Variants in SRP68 observed in about 807,000 individuals in gnomAD.
SRP68 encodes signal recognition particle 68, also known as signal recognition particle subunit SRP68.
SRP68 carries 15 observed loss-of-function variants against 82.2 expected under a neutral mutation model. The ratio of observed to expected loss-of-function variants is 0.18; its 90% CI spans 0.12 to 0.28. SRP68 has a LOEUF of 0.28. Ranked by LOEUF, SRP68 falls within the 10% of genes least tolerant of loss-of-function variation. SRP68 has a pLI of 1.00. For synonymous variants in SRP68, 261 were observed against 292.6 expected, an observed-to-expected ratio of 0.89 and a Z score of 1.10; for missense variants, 595 against 780.5, an observed-to-expected ratio of 0.76 and a Z score of 2.83.
At chr17:76,069,531 A>G (rs1370380021) in intron 2 of SRP68, among the ~76,000 whole-genome samples, 1 of 151,762 alleles carries the variant, frequency 6.6e-6, no homozygotes, top group Non-Finnish European at 1.5e-5. Context: ...CCTGGCCAAC[A>G]TGGTGAAATC....
intron 9 of SRP68, chr17:76,049,366 C>T (rs1365259365): frequency 1.3e-5 from 2 of 151,860 alleles, no homozygotes; most frequent in Admixed American, 6.6e-5. Context: ...ATGAGCTGGA[C>T]CTTGAAAAAC....
chr17:76,045,654 T>C (rs1462723356), intron 11 of SRP68, among the ~76,000 whole-genome samples: 1 of 152,168 alleles, frequency 6.6e-6, no homozygotes, highest in Non-Finnish European at 1.5e-5. Context: ...CTGGAAGGGA[T>C]CTGTTCCAGC....
chr17:76,062,000 G>A lies in SRP68; in HGVS notation c.562-426C>T, dbSNP rs115802411. Among the ~76,000 whole-genome samples the A allele has an allele frequency of 7.3e-3, 1,096 of 149,598 alleles. 14 individuals are homozygous for A. Among genetic ancestry groups the A allele is most frequent in the African/African-American group, 0.024 (985 of 40,660 alleles). On this transcript the variant is annotated intron_variant, in intron 4 of 15. Coordinates refer to ENST00000307877, the MANE Select transcript of SRP68 (RefSeq NM_014230.4). ...CCAAAAATTAAAAAAAAATTACCCG[G>A]GTGTGGCCAGGCGCAGTGGCTCATG...
At chr17:76,044,246 T>C (rs1327216693) in intron 12 of SRP68, among the ~76,000 whole-genome samples, 1 of 152,160 alleles carries the variant, frequency 6.6e-6, no homozygotes, top group Non-Finnish European at 1.5e-5. Flanking sequence ...ATGGTGAGGC[T>C]GGGGACAGGA....
rs181660901 is a variant in SRP68, at chr17:76,051,026, T to C, written c.979-500A>G. Among the ~76,000 whole-genome samples the C allele has an allele frequency of 6.6e-5, 10 of 152,272 alleles. No homozygotes were observed. In the East Asian group the frequency reaches 1.5e-3, roughly 24 times the overall value. On this transcript the variant is annotated intron_variant, in intron 8 of 15. Coordinates refer to ENST00000307877, the MANE Select transcript of SRP68 (RefSeq NM_014230.4). ...TTACAAATGTGACCCAACTCAAAGA[T>C]TGTTTCTTTTAGGTACAAGGAAATA...
intron 8 of SRP68, among the ~76,000 whole-genome samples, chr17:76,056,709 TA>T (rs970762345): frequency 3.3e-5 from 5 of 152,186 alleles, no homozygotes; most frequent in African/African-American, 1.2e-4. Context: ...GTGCAAAAGA[TA>T]ACTGTGAGGT....
At chr17:76,070,099 C>CA (rs892263090) in intron 2 of SRP68, among the ~76,000 whole-genome samples, 17 of 147,522 alleles carry the variant, frequency 1.2e-4, no homozygotes, top group African/African-American at 2.3e-4. Flanking sequence ...AACAAACAAA[C>CA]AAAAAAAACA....
intron 2 of SRP68, 77 bp from the exon 3 acceptor site, chr17:76,067,407 G>A: frequency 1.0e-6 from 1 of 975,158 alleles, no homozygotes; most frequent in Non-Finnish European, 1.6e-6. Context: ...ATAAGGCAAG[G>A]TCAAGGGTCA....
rs1035179958 is a variant in SRP68, at chr17:76,071,265, G to A, written c.185-821C>T. Among the ~76,000 whole-genome samples the A allele has an allele frequency of 1.3e-4, 20 of 152,118 alleles. No individual in the cohort carries two copies. Among genetic ancestry groups the A allele is most frequent in the Admixed American group, 7.9e-4 (12 of 15,256 alleles). On this transcript the variant is annotated intron_variant, in intron 1 of 15. Transcript: ENST00000307877. This position sits in a 1 kb window ranked among gnomAD's most constrained non-coding sequence, Gnocchi z 4.7. ...GATTAGCACATGTCAACCAAGCTAG[G>A]CTACAGTTTGCATAAAAGTATTAAG...
chr17:76,052,758 C>T (rs1303410830), intron 8 of SRP68, among the ~76,000 whole-genome samples: 8 of 149,176 alleles, frequency 5.4e-5, no homozygotes, highest in African/African-American at 2.0e-4. Flanking sequence ...GAGCCGAGAT[C>T]GCGCCACTGC....
intron 13 of SRP68, 70 bp from the exon 14 acceptor site, chr17:76,041,048 G>A (rs1437921503): frequency 2.6e-5 from 32 of 1,245,820 alleles, no homozygotes; most frequent in Non-Finnish European, 3.6e-5. Flanking sequence ...GCTAACCCGA[G>A]TTAACCGACC....
chr17:76,051,233 T>A (rs1196347420), intron 8 of SRP68, among the ~76,000 whole-genome samples: 1 of 152,220 alleles, frequency 6.6e-6, no homozygotes, highest in Non-Finnish European at 1.5e-5. Flanking sequence ...GGGTGTCACC[T>A]GTCTGCTACA....
intron 13 of SRP68, among the ~76,000 whole-genome samples, chr17:76,042,691 T>G (rs984801895): frequency 1.3e-5 from 2 of 152,090 alleles, no homozygotes; most frequent in Non-Finnish European, 2.9e-5. Flanking sequence ...TTCAAGTGAT[T>G]CTCCTGCCTC....
chr17:76,048,824 C>T (rs1394291545), intron 9 of SRP68: 2 of 152,244 alleles, frequency 1.3e-5, no homozygotes, highest in African/African-American at 4.8e-5. Context: ...GCATCACATT[C>T]CTTACATTCT....
chr17:76,067,459 A>G, intron 2 of SRP68, 129 bp from the exon 3 acceptor site: 2 of 677,988 alleles, frequency 2.9e-6, no homozygotes, highest in East Asian at 2.8e-5. Flanking sequence ...GAATTATCAC[A>G]TATCAGCTTC....
intron 8 of SRP68, among the ~76,000 whole-genome samples, chr17:76,055,582 C>T (rs1216663088): frequency 4.6e-5 from 7 of 151,542 alleles, no homozygotes; most frequent in Admixed American, 2.0e-4. Context: ...GGTGAAACCC[C>T]GTCTCTACTA....
intron 11 of SRP68, 104 bp downstream of exon 11, chr17:76,045,934 C>T: frequency 7.0e-7 from 1 of 1,424,230 alleles, no homozygotes; most frequent in African/African-American, 1.4e-5. Context: ...ACTAATAGGT[C>T]CTGCTTGTCA....
chr17:76,060,125 C>CAAA (rs1168111688), intron 7 of SRP68, among the ~76,000 whole-genome samples, 183 bp downstream of exon 7: 480 of 28,740 alleles, frequency 0.017, 59 homozygotes, highest in East Asian at 0.027. Flanking sequence ...GACTCCATCT[C>CAAA]AAAAAAAAAA....
At chr17:76,063,247 C>A (rs1370844843) in intron 4 of SRP68, among the ~76,000 whole-genome samples, 1 of 152,130 alleles carries the variant, frequency 6.6e-6, no homozygotes, top group Non-Finnish European at 1.5e-5. Context: ...ATAACATAAG[C>A]ATCAGAAGTT....
Sources: gnomAD v4.1 joint callset for allele counts (sites outside exome capture counted in the v4.1 genomes callset) on GRCh38, gnomAD v4.1.1 for gene constraint, Gnocchi (gnomAD v3.1) non-coding constraint, MANE v1.5 for transcripts, NCBI Gene and HGNC (gene_info 2026-07-23, HGNC 2026-07-21) for gene names.